Variants in TUSC3 observed in about 807,000 individuals in gnomAD.
TUSC3 encodes dolichyl-diphosphooligosaccharide--protein glycosyltransferase subunit TUSC3.
A neutral mutation model predicts 44.8 loss-of-function variants in TUSC3; 45 were observed. The ratio of observed to expected loss-of-function variants is 1.00; its 90% CI spans 0.79 to 1.29. The LOEUF is 1.29. Ranked by LOEUF, TUSC3 falls within the 50% of genes most tolerant of loss-of-function variation. The pLI, the probability that TUSC3 is intolerant of heterozygous loss-of-function variation, is 0.00. For missense variants in TUSC3, 519 were observed against 437.9 expected, an observed-to-expected ratio of 1.19 and a Z score of -1.65; for synonymous variants, 212 against 152.9, an observed-to-expected ratio of 1.39 and a Z score of -2.85.
At chr8:15,479,364 TA>T (rs1485653057) in intron 1 of TUSC3, among the ~76,000 whole-genome samples, 24 of 152,356 alleles carry the variant, frequency 1.6e-4, no homozygotes, top group Admixed American at 1.5e-3. Flanking sequence ...TGCCCGTGCC[TA>T]TGTTCCAAAT....
chr8:15,764,003 C>G (rs1812254635), intron 10 of TUSC3, among the ~76,000 whole-genome samples, 200 bp from the exon 11 acceptor site: 1 of 151,990 alleles, frequency 6.6e-6, no homozygotes, highest in South Asian at 2.1e-4. Context: ...TCACCCTGAC[C>G]CTGTTCCCAA....
At chr8:15,611,403 G>T (rs1820824) in intron 1 of TUSC3, among the ~76,000 whole-genome samples, 2 of 152,258 alleles carry the variant, frequency 1.3e-5, no homozygotes, top group South Asian at 4.1e-4. Flanking sequence ...TGGCTAGGGT[G>T]GTCTCAAACT....
rs76196183 is a variant in TUSC3 at position 15,570,793 on chromosome 8, C to G, written c.138+30225C>G. ...CAAAGCTGTTCTTCTGATTTAAGTA[C>G]TCTTTTATCAGTGCTTCTCATACTG... On this transcript the variant is annotated intron_variant, in intron 1 of 10. Coordinates refer to ENST00000503731, the MANE Select transcript of TUSC3 (RefSeq NM_006765.4). Among the ~76,000 whole-genome samples the G allele has an allele frequency of 6.4e-3, 967 of 151,938 alleles. 19 individuals carry two copies. Among genetic ancestry groups the G allele is most frequent in the African/African-American group, 0.022 (926 of 41,462 alleles).
At chr8:15,586,843 A>T (rs1803623671) in intron 1 of TUSC3, among the ~76,000 whole-genome samples, 1 of 152,090 alleles carries the variant, frequency 6.6e-6, no homozygotes, top group African/African-American at 2.4e-5. Context: ...TAGTTCTTAG[A>T]CCACCACCTT....
chr8:15,638,424 G>C (rs938000798), intron 2 of TUSC3, among the ~76,000 whole-genome samples: 2 of 150,852 alleles, frequency 1.3e-5, no homozygotes, highest in Non-Finnish European at 2.9e-5. Context: ...CTCAGTAATT[G>C]TCGCGTATAG....
At chr8:15,650,577 T>G in intron 2 of TUSC3, 120 bp from the exon 3 acceptor site, 1 of 744,170 alleles carries the variant, frequency 1.3e-6, no homozygotes. Context: ...AAAACTATGC[T>G]TTTCTTACAG....
At chr8:15,698,198 G>A (rs978147087) in intron 6 of TUSC3, among the ~76,000 whole-genome samples, 1 of 152,118 alleles carries the variant, frequency 6.6e-6, no homozygotes, top group African/African-American at 2.4e-5. Flanking sequence ...TAGCAAAGCT[G>A]CTGTGTTAAT....
intron 1 of TUSC3, among the ~76,000 whole-genome samples, chr8:15,568,822 T>G (rs530480289): frequency 1.3e-5 from 2 of 152,118 alleles, no homozygotes; most frequent in African/African-American, 4.8e-5. Flanking sequence ...TAAAACTTTG[T>G]CATGTATTTT....
intron 2 of TUSC3, among the ~76,000 whole-genome samples, chr8:15,525,096 AAAGGTAC>A (rs1801355668): frequency 6.6e-6 from 1 of 152,238 alleles, no homozygotes; most frequent in African/African-American, 2.4e-5. Context: ...TTAAAGATGT[AAAGGTAC>A]AAGGAGACCA....
chr8:15,462,584 G>A (rs1157882942), intron 1 of TUSC3, among the ~76,000 whole-genome samples: 1 of 152,032 alleles, frequency 6.6e-6, no homozygotes, highest in African/African-American at 2.4e-5. Flanking sequence ...GCCTTAAAGT[G>A]CACTATTTTG....
At chr8:15,821,615 G>A in the TUSC3 span, among the ~76,000 whole-genome samples, 1 of 150,488 alleles carries the variant, frequency 6.6e-6, no homozygotes, top group Non-Finnish European at 1.5e-5. Context: ...ATCTACCAAT[G>A]CTGATGTTCT....
At chr8:15,825,925 C>A in the TUSC3 span, among the ~76,000 whole-genome samples, 1 of 137,842 alleles carries the variant, frequency 7.3e-6, no homozygotes, top group Non-Finnish European at 1.5e-5. Flanking sequence ...AAACAAGAAG[C>A]AATACACCTA....
intron 7 of TUSC3, among the ~76,000 whole-genome samples, chr8:15,742,295 T>A (rs898229331): frequency 2.0e-5 from 3 of 152,004 alleles, no homozygotes; most frequent in Non-Finnish European, 4.4e-5. Flanking sequence ...TTTCCTTTTT[T>A]CTAGAAAGGG....
At chr8:15,851,217 T>G in the TUSC3 span, among the ~76,000 whole-genome samples, 65 of 152,326 alleles carry the variant, frequency 4.3e-4, 3 homozygotes, top group Admixed American at 4.1e-3. Flanking sequence ...CCAGTTCCCA[T>G]TGTGAAAATA....
intron 1 of TUSC3, among the ~76,000 whole-genome samples, chr8:15,582,839 T>C (rs1418937047): frequency 6.6e-6 from 1 of 152,242 alleles, no homozygotes; most frequent in Admixed American, 6.5e-5. Flanking sequence ...GCCAGTGACC[T>C]TTCTTTAAAT....
At chr8:15,739,565 T>C (rs1811098244) in intron 7 of TUSC3, among the ~76,000 whole-genome samples, 1 of 152,226 alleles carries the variant, frequency 6.6e-6, no homozygotes, top group African/African-American at 2.4e-5. Context: ...AAAAATGATT[T>C]AAAGCAGCGT....
chr8:15,678,993 A>C (rs1006765052), intron 6 of TUSC3, among the ~76,000 whole-genome samples: 1 of 152,130 alleles, frequency 6.6e-6, no homozygotes, highest in African/African-American at 2.4e-5. Context: ...TATTTTCTTT[A>C]TTTAATTCAC....
At chr8:15,636,876 T>G (rs1013714719) in intron 2 of TUSC3, among the ~76,000 whole-genome samples, 8 of 152,216 alleles carry the variant, frequency 5.3e-5, no homozygotes, top group Non-Finnish European at 1.2e-4. Flanking sequence ...ATTGAGTGTT[T>G]GTAGTCTGTT....
chr8:15,476,272 C>A (rs1196640413), intron 1 of TUSC3, among the ~76,000 whole-genome samples: 1 of 152,170 alleles, frequency 6.6e-6, no homozygotes, highest in Non-Finnish European at 1.5e-5. Context: ...ATCATAAATA[C>A]ATTTAATCAC....
Sources: allele counts gnomAD v4.1 joint callset (sites outside exome capture counted in the v4.1 genomes callset), GRCh38; gene constraint gnomAD v4.1.1; transcripts MANE v1.5; gene names NCBI Gene and HGNC (gene_info 2026-07-23, HGNC 2026-07-21).